Variants in FGD3 observed in about 807,000 individuals in gnomAD.
FGD3 encodes FYVE, RhoGEF and PH domain-containing protein 3.
A neutral mutation model predicts 71.8 loss-of-function variants in FGD3; 45 were observed. The observed-to-expected ratio is 0.63, with a 90% CI of 0.49 to 0.80. The LOEUF (loss-of-function observed/expected upper bound fraction) is 0.80. Among genes scored for constraint, FGD3 ranks in the 30% least tolerant of loss-of-function variants. The pLI is 0.00. For synonymous variants in FGD3, 378 were observed against 392.8 expected (o/e 0.96, Z 0.44); for missense variants, 844 against 951.5 (o/e 0.89, Z 1.49).
chr9:93,007,331 C>G (rs1861107531), intron 6 of FGD3, among the ~76,000 whole-genome samples: 1 of 151,902 alleles, frequency 6.6e-6, no homozygotes, highest in African/African-American at 2.4e-5. Context: ...ACCTTGTGAT[C>G]CACCCACCTC....
rs775583402 is a variant in FGD3, at chr9:93,005,978, C to T, written c.681-46C>T. The T allele has an allele frequency of 4.5e-6, 7 of 1,545,560 alleles. No individual in the cohort carries two copies. The Admixed American group carries it at 9.5e-5, about 21-fold the overall frequency. ...GTTCATGTCCACTAACCTCAGAGTC[C>T]CCATTGCACCCAGCTATTTCTCTGA... On this transcript the variant is annotated intron_variant, in intron 5 of 17. Coordinates refer to ENST00000375482, the MANE Select transcript of FGD3 (RefSeq NM_001083536.2).
rs796606105 is a variant in FGD3, at chr9:93,027,719, T to C, written c.1558-2155T>C. The stretch of plus-strand genomic sequence containing the variant: ...AGTTCATCTTTTTCTTTCTTTCTTT[T>C]TTTTTTTTTTTTTTTTTTGAGTTGG... On this transcript the variant is annotated intron_variant, in intron 14 of 17. Transcript: ENST00000375482. Among the ~76,000 whole-genome samples, 84 of 68,934 alleles carry C rather than the reference T, an allele frequency of 1.2e-3. 1 individual carries two copies. Among genetic ancestry groups the C allele is most frequent in the African/African-American group, 3.4e-3 (69 of 20,106 alleles). The allele number at this position is 68,934 out of a possible 152,430, so 45.2% of individuals were successfully genotyped here.
At chr9:93,012,825 C>G (rs974085279) in intron 8 of FGD3, among the ~76,000 whole-genome samples, 26 of 152,322 alleles carry the variant, frequency 1.7e-4, no homozygotes, top group Middle Eastern at 3.4e-3. Context: ...TGGACTGGCT[C>G]TGTGCTCACC....
At chr9:93,027,579 G>A (rs1862160346) in intron 14 of FGD3, among the ~76,000 whole-genome samples, 1 of 152,014 alleles carries the variant, frequency 6.6e-6, no homozygotes, top group African/African-American at 2.4e-5. Context: ...GAGTTACTGG[G>A]AATTATATTT....
intron 14 of FGD3, among the ~76,000 whole-genome samples, chr9:93,023,641 C>A (rs1333804611): frequency 6.6e-6 from 1 of 152,054 alleles, no homozygotes; most frequent in East Asian, 1.9e-4. Flanking sequence ...TTCCTGGCCA[C>A]CCTCCCCTGA....
chr9:93,013,787 G>A (rs1257692309), intron 8 of FGD3, 65 bp from the exon 9 acceptor site: 14 of 1,592,758 alleles, frequency 8.8e-6, no homozygotes, highest in East Asian at 2.3e-5. Context: ...GAAGGACTCC[G>A]TGCATCTCTA....
intron 1 of FGD3, among the ~76,000 whole-genome samples, chr9:92,952,238 T>C (rs928446672): frequency 5.3e-5 from 8 of 149,922 alleles, no homozygotes; most frequent in Non-Finnish European, 1.0e-4. Context: ...AGTCAATTTT[T>C]TTTTTTTTTT....
chr9:92,975,649 G>T (rs896966830), intron 2 of FGD3, among the ~76,000 whole-genome samples: 1 of 152,126 alleles, frequency 6.6e-6, no homozygotes, highest in Non-Finnish European at 1.5e-5. Context: ...GAGTTTTGGG[G>T]CAAAGACCTT....
At chr9:93,023,716 C>T (rs1862013585) in intron 14 of FGD3, among the ~76,000 whole-genome samples, 1 of 151,958 alleles carries the variant, frequency 6.6e-6, no homozygotes, top group Non-Finnish European at 1.5e-5. Context: ...TTGCTCTGTC[C>T]AAGTCTATGA....
intron 3 of FGD3, among the ~76,000 whole-genome samples, chr9:92,994,248 G>C (rs1237297460): frequency 6.6e-6 from 1 of 152,090 alleles, no homozygotes; most frequent in African/African-American, 2.4e-5. Flanking sequence ...GTGTATGTTG[G>C]CTGCATGAAT....
rs1265172838 is a variant in FGD3, at chr9:93,015,732, T to TG, written c.1183-4dup. 3 of 1,614,012 alleles carry TG rather than the reference T, an allele frequency of 1.9e-6. No homozygotes were observed. The highest frequency in any genetic ancestry group is 1.7e-5 in the Admixed American group (1 of 60,020). On this transcript the variant is annotated splice_region_variant and splice_polypyrimidine_tract_variant and intron_variant, in intron 9 of 17. Transcript: ENST00000375482. ...CGTTCCTCACCTGTGCCATCCCTCT[T>TG]GCAGTTCAACAGCATGATCCTTTAC...
rs368407116 is a variant in FGD3, at chr9:93,013,891, G to C, written c.1075G>C (p.Gly359Arg). The C allele has an allele frequency of 6.2e-7, 1 of 1,612,436 alleles. No individual in the cohort carries two copies. The highest frequency in any genetic ancestry group is 8.5e-7 in the Non-Finnish European group (1 of 1,179,464). Residue 359 changes from glycine (G) to arginine (R), a missense_variant, in exon 9 of 18, where the codon GGT becomes CGT. Physicochemically the swap from Gly to Arg is moderately radical, Grantham distance 125. Transcript: ENST00000375482. Reference protein sequence around the residue: ...HKLLEVYEQLGGEEDIVNPAN... With the variant: ...HKLLEVYEQLRGEEDIVNPAN... ...GCTCTTGGAGGTGTACGAGCAGCTG[G>C]GTGGGGAAGAAGACATTGTCAACCC...
intron 1 of FGD3, among the ~76,000 whole-genome samples, chr9:92,962,439 A>T (rs1251053106): frequency 6.6e-6 from 1 of 152,328 alleles, no homozygotes; most frequent in East Asian, 1.9e-4. Context: ...GGCTGGAAGC[A>T]TCTGGATGGT....
intron 1 of FGD3, among the ~76,000 whole-genome samples, chr9:92,953,417 A>C (rs891663023): frequency 6.6e-6 from 1 of 152,218 alleles, no homozygotes; most frequent in South Asian, 2.1e-4. Context: ...AAGAGTTTGA[A>C]GCTGGGCTTG....
chr9:92,973,532 A>C (rs2118561834), intron 1 of FGD3, among the ~76,000 whole-genome samples: 1 of 152,316 alleles, frequency 6.6e-6, no homozygotes, highest in South Asian at 2.1e-4. Flanking sequence ...CAGTTGGGTA[A>C]ACATATGGAC....
At position 92,969,118 on chromosome 9, in the gene FGD3, C is replaced by CT. The variant is rs1859441337; in HGVS notation, c.-217-6119dup. 6.6e-6 allele frequency among the ~76,000 whole-genome samples: 1 copy of CT among 152,248 alleles called. No homozygotes were observed. The highest frequency in any genetic ancestry group is 1.5e-5 in the Non-Finnish European group (1 of 68,042). On this transcript the variant is annotated intron_variant, in intron 1 of 17. Coordinates refer to ENST00000375482, the MANE Select transcript of FGD3 (RefSeq NM_001083536.2). The surrounding 1 kb of genome is among the most constrained non-coding windows in gnomAD (Gnocchi z 4.5). ...GCACTTACAGTATTGCCTGGATTCT[C>CT]TATCACAGGGTAACCCACAAGGGAG...
At chr9:93,025,799 G>A (rs529050064) in intron 14 of FGD3, among the ~76,000 whole-genome samples, 14 of 152,312 alleles carry the variant, frequency 9.2e-5, no homozygotes, top group East Asian at 3.9e-4. Context: ...GGTGACACAC[G>A]AACCCCTCCA....
Position 92,969,988 on chromosome 9 carries a change from C to T in FGD3, c.-217-5250C>T, listed in dbSNP as rs73510551. Among the ~76,000 whole-genome samples, 4,640 of 152,308 alleles carry T rather than the reference C, an allele frequency of 0.03. 235 individuals carry two copies. Among genetic ancestry groups the T allele is most frequent in the African/African-American group, 0.11 (4,380 of 41,542 alleles). ...TCCCTGGCTGAGTCCACAGTGGGCA[C>T]GGCTCATCTGGGTCAGCAGCTCCAG... On this transcript the variant is annotated intron_variant, in intron 1 of 17. Transcript: ENST00000375482. The surrounding 1 kb of genome is among the most constrained non-coding windows in gnomAD (Gnocchi z 4.5).
At chr9:92,971,566 C>CTTTTTTTT (rs869043960) in intron 1 of FGD3, among the ~76,000 whole-genome samples, 13 of 39,568 alleles carry the variant, frequency 3.3e-4, no homozygotes, top group Non-Finnish European at 6.0e-4. Context: ...CTTTTCTTTT[C>CTTTTTTTT]TTTTTTTTTT....
Sources: allele counts gnomAD v4.1 joint callset (sites outside exome capture counted in the v4.1 genomes callset), GRCh38; gene constraint gnomAD v4.1.1; non-coding constraint Gnocchi (gnomAD v3.1); transcripts MANE v1.5; gene names NCBI Gene and HGNC (gene_info 2026-07-23, HGNC 2026-07-21).